CACNA2D4: variants seen among roughly 807,000 people sequenced by gnomAD.
The protein encoded by CACNA2D4 is voltage-dependent calcium channel subunit alpha-2/delta-4.
Under a neutral mutation model 163.8 loss-of-function variants are expected in CACNA2D4, and 157 were observed. That is an observed-to-expected ratio of 0.96 (90% CI 0.84 to 1.09). The LOEUF (loss-of-function observed/expected upper bound fraction) is 1.09, where lower values mean the gene tolerates loss of function less well. Among genes scored for constraint, CACNA2D4 ranks in the 50% least tolerant of loss-of-function variants. The probability of loss-of-function intolerance (pLI) is 0.00; values close to 1 mark genes in which losing one functional copy is unlikely to be tolerated. For missense variants in CACNA2D4, 1,410 were observed against 1,479.9 expected (o/e 0.95, Z 0.78); for synonymous variants, 598 against 586.9 (o/e 1.02, Z -0.27).
rs976681927 is a variant in CACNA2D4 at position 1,843,467 on chromosome 12, C to T, written c.2470+935G>A. ...CACTCCTGCATCCCCTCCTGGGGCT[C>T]ACCCCACCTGCCTGTGCACACTCTC... On this transcript the variant is annotated intron_variant, in intron 25 of 37. Transcript: ENST00000382722. This position sits in a 1 kb window ranked among gnomAD's most constrained non-coding sequence, Gnocchi z 4.6. Among the ~76,000 whole-genome samples, 4 of 152,242 alleles carry T rather than the reference C, an allele frequency of 2.6e-5. No homozygotes were observed. The highest frequency in any genetic ancestry group is 4.8e-5 in the African/African-American group (2 of 41,458).
Position 1,878,871 on chromosome 12 carries a change from T to C in CACNA2D4, c.1644+85A>G. 7.6e-7 allele frequency: 1 copy of C among 1,317,846 alleles called. No homozygotes were observed. 81.6% of individuals were successfully genotyped at this position (1,317,846 alleles called of 1,614,324 possible). A position where few individuals can be genotyped will look rare whatever the true frequency, so the allele number is the denominator to read the frequency against. On this transcript the variant is annotated intron_variant, in intron 15 of 37. Transcript: ENST00000382722. The surrounding 1 kb of genome is among the most constrained non-coding windows in gnomAD (Gnocchi z 4.6). ...CCCCACCCCAGCTCTGGGCTTGGCT[T>C]GCCTGGAGAGAGGCTCCCATCACGG...
intron 26 of CACNA2D4, chr12:1,831,296 C>T (rs1021048919): frequency 6.2e-7 from 1 of 1,613,598 alleles, no homozygotes; most frequent in Non-Finnish European, 8.5e-7. Flanking sequence ...CGCTGCTCCG[C>T]CACCTGGACC....
At chr12:1,795,172 C>T in intron 37 of CACNA2D4, 127 bp downstream of exon 37, 2 of 742,224 alleles carry the variant, frequency 2.7e-6, no homozygotes, top group Non-Finnish European at 4.5e-6. Flanking sequence ...ATGTTTCCCC[C>T]GAGAAGCACA....
chr12:1,884,768 C>A lies in CACNA2D4; in HGVS notation c.1272G>T (p.Lys424Asn). Residue 424 changes from lysine to asparagine, a missense_variant and splice_region_variant, in exon 11 of 38, where the codon AAG becomes AAT. Physicochemically the swap from Lys to Asn is moderately conservative, Grantham distance 94 (BLOSUM62 0). Transcript: ENST00000382722. ...VFEKYNWPDC[K>N]VRVFTYLIGR... is the part of the protein sequence containing the mutation. Reference sequence around the variant, plus strand: ...CCCTGGACACCCGTGGGAGGGTCACCTTACAGTCTGGCCAGTTATACTTCT... The same window carrying A: ...CCCTGGACACCCGTGGGAGGGTCACATTACAGTCTGGCCAGTTATACTTCT... 1 of 1,609,834 alleles carries A rather than the reference C, an allele frequency of 6.2e-7. No homozygotes were observed. Among genetic ancestry groups the A allele is most frequent in the South Asian group, 1.1e-5 (1 of 90,788 alleles).
At chr12:1,838,380 T>C (rs895968283) in intron 26 of CACNA2D4, among the ~76,000 whole-genome samples, 11 of 152,032 alleles carry the variant, frequency 7.2e-5, no homozygotes, top group African/African-American at 2.7e-4. Context: ...GGCCTGGCGC[T>C]CACACGCTTA....
chr12:1,880,806 T>C (rs1285960415), intron 13 of CACNA2D4, among the ~76,000 whole-genome samples: 1 of 152,232 alleles, frequency 6.6e-6, no homozygotes, highest in African/African-American at 2.4e-5. Flanking sequence ...TTTCTGAGCT[T>C]GGACACATCT....
chr12:1,862,706 C>A (rs1565716757), intron 18 of CACNA2D4, among the ~76,000 whole-genome samples: 1 of 152,228 alleles, frequency 6.6e-6, no homozygotes, highest in Non-Finnish European at 1.5e-5. Context: ...AGCCACCGTG[C>A]CCGGCTAAGT....
At chr12:1,841,097 G>A (rs1180457398) in intron 25 of CACNA2D4, among the ~76,000 whole-genome samples, 4 of 152,194 alleles carry the variant, frequency 2.6e-5, no homozygotes, top group Non-Finnish European at 5.9e-5. Context: ...CGTGTTTGTC[G>A]GCTGCGGCAT....
intron 1 of CACNA2D4, 60 bp from the exon 2 acceptor site, chr12:1,914,995 C>T (rs1384864132): frequency 1.6e-6 from 2 of 1,227,944 alleles, no homozygotes; most frequent in African/African-American, 2.9e-5. Context: ...TACAGAAACA[C>T]ACGCGTAGAC....
intron 6 of CACNA2D4, among the ~76,000 whole-genome samples, chr12:1,901,617 T>C (rs1388308945): frequency 2.0e-5 from 3 of 152,016 alleles, no homozygotes; most frequent in Non-Finnish European, 4.4e-5. Context: ...CCTAGACACA[T>C]ACAACCTACT....
intron 26 of CACNA2D4, among the ~76,000 whole-genome samples, chr12:1,812,069 T>C (rs1863730359): frequency 6.6e-6 from 1 of 152,076 alleles, no homozygotes; most frequent in African/African-American, 2.4e-5. Context: ...CCCTTTCCCA[T>C]AGATGGGAAT....
chr12:1,800,215 G>C, intron 32 of CACNA2D4, 163 bp from the exon 33 acceptor site: 2 of 938,570 alleles, frequency 2.1e-6, no homozygotes, highest in Non-Finnish European at 3.3e-6. Flanking sequence ...CCTCCCAGGG[G>C]CAGCATGCAG....
In CACNA2D4 at chr12:1,913,107, G is replaced by A. The variant is rs775996316; in HGVS notation, c.342C>T (p.Ile114=). 1.9e-6 allele frequency: 3 copies of A among 1,613,606 alleles called. No individual in the cohort carries two copies. Among genetic ancestry groups the A allele is most frequent in the South Asian group, 1.1e-5 (1 of 91,074 alleles). The part of the protein sequence containing the change: ...KYKDVESSLK[I]EEVDGLELVR... ...CCAGCTCCAAGCCATCCACCTCCTC[G>A]ATCTTCAGACTGGACTCCACATCCT... The change falls in exon 3 of 38, where the codon ATC becomes ATT. Residue 114 remains isoleucine (I), a synonymous_variant. Coordinates refer to ENST00000382722, the MANE Select transcript of CACNA2D4 (RefSeq NM_172364.5).
chr12:1,918,354 C>T lies in CACNA2D4; in HGVS notation c.120G>A (p.Met40Ile), dbSNP rs528227884. 2 of 1,607,678 alleles carry T rather than the reference C, an allele frequency of 1.2e-6. No individual in the cohort carries two copies. Among genetic ancestry groups the T allele is most frequent in the African/African-American group, 1.3e-5 (1 of 74,948 alleles). Residue 40 changes from methionine to isoleucine, a missense_variant, in exon 1 of 38, where the codon ATG (methionine) becomes ATA (isoleucine). Met to Ile is a conservative substitution (Grantham distance 10). Transcript: ENST00000382722. Reference sequence around the variant, plus strand: ...TCTGCACAAAGGCCCAGGCCACGGGCATTGGCTGGAGGGGAATCCAGCGGC... The same window carrying T: ...TCTGCACAAAGGCCCAGGCCACGGGTATTGGCTGGAGGGGAATCCAGCGGC... The part of the protein sequence containing the change: ...SSSRWIPLQP[M>I]PVAWAFVQKT...
In CACNA2D4 at chr12:1,795,337, G is replaced by A; in HGVS notation, c.3271C>T (p.Arg1091Cys). ...GCGTGGCAGGAGTCTGGTCGCCGGCGGAGCTTCTGGGAGCGCATCCGGTCA... is the reference window on the plus strand; with the variant it reads ...GCGTGGCAGGAGTCTGGTCGCCGGCAGAGCTTCTGGGAGCGCATCCGGTCA... Reference protein sequence around the residue: ...KCDRMRSQKLRRRPDSCHAFH... With the variant: ...KCDRMRSQKLCRRPDSCHAFH... The change falls in exon 37 of 38, where the codon CGC becomes TGC. Residue 1091 changes from arginine to cysteine, a missense_variant. Coordinates refer to ENST00000382722, the MANE Select transcript of CACNA2D4 (RefSeq NM_172364.5). 1 of 1,612,656 alleles carries A rather than the reference G, an allele frequency of 6.2e-7. No individual in the cohort carries two copies. Among genetic ancestry groups the A allele is most frequent in the Non-Finnish European group, 8.5e-7 (1 of 1,179,838 alleles).
At chr12:1,824,925 C>G (rs1313707419) in intron 26 of CACNA2D4, among the ~76,000 whole-genome samples, 1 of 152,192 alleles carries the variant, frequency 6.6e-6, no homozygotes, top group East Asian at 1.9e-4. Flanking sequence ...TTGGGAAGGC[C>G]CTGGTGTCCA....
At chr12:1,797,700 G>T in intron 34 of CACNA2D4, 165 bp from the exon 35 acceptor site, 17 of 653,648 alleles carry the variant, frequency 2.6e-5, no homozygotes, top group East Asian at 5.6e-5. Context: ...GGGGTGAGGG[G>T]AGGGAAGACA....
intron 24 of CACNA2D4, among the ~76,000 whole-genome samples, chr12:1,845,218 G>C (rs576907256): frequency 6.6e-6 from 1 of 152,042 alleles, no homozygotes; most frequent in Non-Finnish European, 1.5e-5. Context: ...CATTCACCTC[G>C]AGTCTGGGTG....
At position 1,874,483 on chromosome 12, in the gene CACNA2D4, G is replaced by A. The variant is rs78631693; in HGVS notation, c.1878+121C>T. On this transcript the variant is annotated intron_variant, in intron 18 of 37. Coordinates refer to ENST00000382722, the MANE Select transcript of CACNA2D4 (RefSeq NM_172364.5). The surrounding 1 kb of genome is among the most constrained non-coding windows in gnomAD (Gnocchi z 4.4). ...ATACTCCCTAATGGACCCTCTAGGT[G>A]CAGCAAGCACTCAACTCTTCAGCTA... 8.2e-3 allele frequency: 5,615 copies of A among 686,146 alleles called. 32 individuals carry two copies. Among genetic ancestry groups the A allele is most frequent in the Non-Finnish European group, 0.013 (4,760 of 378,718 alleles). The allele number at this position is 686,146 out of a possible 1,614,324, so 42.5% of individuals were successfully genotyped here.
Sources: gnomAD v4.1 joint callset for allele counts (sites outside exome capture counted in the v4.1 genomes callset) on GRCh38, gnomAD v4.1.1 for gene constraint, Gnocchi (gnomAD v3.1) non-coding constraint, MANE v1.5 for transcripts, NCBI Gene and HGNC (gene_info 2026-07-23, HGNC 2026-07-21) for gene names.